The following ALG1 variants were observed in gnomAD, a reference collection of about 807,000 sequenced individuals.
ALG1 encodes the protein ALG1 chitobiosyldiphosphodolichol beta-mannosyltransferase.
ALG1 carries 58 observed loss-of-function variants against 55.1 expected under a neutral mutation model. The ratio of observed to expected loss-of-function variants is 1.05; its 90% confidence interval spans 0.85 to 1.31. The LOEUF (loss-of-function observed/expected upper bound fraction) is 1.31, where lower values mean the gene tolerates loss of function less well. ALG1 is among the 50% of genes most tolerant of loss of function. The pLI is 0.00. For missense variants in ALG1, 761 were observed against 598.6 expected (o/e 1.27, Z -2.83); for synonymous variants, 309 against 247.0 (o/e 1.25, Z -2.35).
Position 5,084,811 on chromosome 16 carries a change from G to A in ALG1, c.1325G>A (p.Arg442Gln), listed in dbSNP as rs758197753. 4 of 1,596,456 alleles carry A rather than the reference G, an allele frequency of 2.5e-6. No homozygotes were observed. The highest frequency in any genetic ancestry group is 2.3e-4 in the Middle Eastern group (1 of 4,428). ...CTAAACCAGTTCCGGAAGAACCTGC[G>A]GGAGTCGCAGCAGCTCCGATGGGAT... The part of the protein sequence containing the change: ...GKLNQFRKNL[R>Q]ESQQLRWDES... The change falls in exon 13 of 13, where the codon CGG becomes CAG. Residue 442 changes from arginine (R) to glutamine (Q), a missense_variant. By Grantham distance (43) the Arg-to-Gln change is conservative. Coordinates refer to ENST00000262374, the MANE Select transcript of ALG1 (RefSeq NM_019109.5).
chr16:5,077,451 G>A lies in ALG1; in HGVS notation c.546G>A (p.Glu182=), dbSNP rs1408864267. The A allele has an allele frequency of 1.9e-6, 3 of 1,614,158 alleles. No homozygotes were observed. Among genetic ancestry groups the A allele is most frequent in the Non-Finnish European group, 2.5e-6 (3 of 1,180,000 alleles). ...HPLVLLAKWY[E]KFFGRLSHLN... ...TGCTGATCTCTCTTTTCAGGTACGA[G>A]AAGTTCTTTGGGCGCCTGTCCCACC... The change falls in exon 5 of 13, where the codon GAG becomes GAA. Residue 182 remains glutamate (E), a synonymous_variant. Transcript: ENST00000262374.
chr16:5,075,165 A>G (rs901007889), intron 3 of ALG1, among the ~76,000 whole-genome samples: 1 of 152,022 alleles, frequency 6.6e-6, no homozygotes. Context: ...TGGCCTCCCA[A>G]AGTGTTGGGA....
intron 3 of ALG1, among the ~76,000 whole-genome samples, chr16:5,074,656 G>C (rs921187933): frequency 6.6e-6 from 1 of 152,188 alleles, no homozygotes; most frequent in Non-Finnish European, 1.5e-5. Flanking sequence ...GAATTGTGTA[G>C]TCAAAGTTGA....
At chr16:5,072,109 CG>C (rs1484010919) in intron 1 of ALG1, 52 bp downstream of exon 1, 31 of 1,550,196 alleles carry the variant, frequency 2.0e-5, no homozygotes, top group Non-Finnish European at 2.6e-5. Context: ...CGTTGATCCT[CG>C]GTTCTAACCG....
At chr16:5,074,964 A>C (rs1956882292) in intron 3 of ALG1, among the ~76,000 whole-genome samples, 3 of 152,250 alleles carry the variant, frequency 2.0e-5, no homozygotes, top group Admixed American at 2.0e-4. Flanking sequence ...GTGCAGTGGC[A>C]CAATCATAGC....
chr16:5,079,057 C>G lies in ALG1; in HGVS notation c.863-7C>G. 2 of 1,601,782 alleles carry G rather than the reference C, an allele frequency of 1.2e-6. No homozygotes were observed. Among genetic ancestry groups the G allele is most frequent in the Non-Finnish European group, 8.5e-7 (1 of 1,179,644 alleles). On this transcript the variant is annotated splice_region_variant and splice_polypyrimidine_tract_variant and intron_variant, in intron 7 of 12. Transcript: ENST00000262374. ...CAGGCCCCTGACATTCAATTCTCTT[C>G]TCATAGAGGACGAAGACTTCTCCAT...
rs1289167329 is a variant in ALG1, at chr16:5,075,401, T to G, written c.404T>G (p.Leu135Arg). 1.9e-6 allele frequency: 3 copies of G among 1,614,110 alleles called. No homozygotes were observed. The highest frequency in any genetic ancestry group is 2.5e-6 in the Non-Finnish European group (3 of 1,180,052). ...AYIFLQNPPG[L>R]PSIAVCWFVG... ...TATCTTTCCTAGAACCCCCCAGGTCTGCCTAGCATTGCTGTCTGCTGGTTC... is the reference window on the plus strand; with the variant it reads ...TATCTTTCCTAGAACCCCCCAGGTCGGCCTAGCATTGCTGTCTGCTGGTTC... The change falls in exon 4 of 13, where the codon CTG (leucine) becomes CGG (arginine). Residue 135 changes from leucine to arginine, a missense_variant. By Grantham distance (102) the Leu-to-Arg change is moderately radical. Coordinates refer to ENST00000262374, the MANE Select transcript of ALG1 (RefSeq NM_019109.5).
rs1353988508 is a variant in ALG1, at chr16:5,071,932, G to A, written c.83G>A (p.Arg28Gln). 6.3e-7 allele frequency: 1 copy of A among 1,589,186 alleles called. No homozygotes were observed. ...CTGGGAGGATGGAAGCGCTGGCGCC[G>A]GGGGCGGGCGGCCCGGCATGTAGTA... ...LLLGGWKRWR[R>Q]GRAARHVVAV... Residue 28 changes from arginine (R) to glutamine (Q), a missense_variant, in exon 1 of 13, where the codon CGG becomes CAG. Arg to Gln is a conservative substitution (Grantham distance 43). Coordinates refer to ENST00000262374, the MANE Select transcript of ALG1 (RefSeq NM_019109.5).
At position 5,071,936 on chromosome 16, in the gene ALG1, G is replaced by T. The variant is rs754060914; in HGVS notation, c.87G>T (p.Gly29=). 2 of 1,589,970 alleles carry T rather than the reference G, an allele frequency of 1.3e-6. No homozygotes were observed. Among genetic ancestry groups the T allele is most frequent in the Non-Finnish European group, 1.7e-6 (2 of 1,168,570 alleles). ...LLGGWKRWRR[G]RAARHVVAVV... The stretch of plus-strand genomic sequence containing the variant: ...GAGGATGGAAGCGCTGGCGCCGGGG[G>T]CGGGCGGCCCGGCATGTAGTAGCGG... The change falls in exon 1 of 13, where the codon GGG becomes GGT. Residue 29 remains glycine (G), a synonymous_variant. Transcript: ENST00000262374.
Position 5,085,673 on chromosome 16 carries a change from C to T in ALG1, c.*792C>T, listed in dbSNP as rs867696905. Reference sequence around the variant, plus strand: ...AGCATTGCCATCTCCAAGTGCTCTTCGTAGGGAAACAGTTTCTGCTCATGA... The same window carrying T: ...AGCATTGCCATCTCCAAGTGCTCTTTGTAGGGAAACAGTTTCTGCTCATGA... On this transcript the variant is annotated 3_prime_UTR_variant, in exon 13 of 13. Transcript: ENST00000262374. The T allele has an allele frequency of 5.0e-6, 8 of 1,611,672 alleles. No individual in the cohort carries two copies. Among genetic ancestry groups the T allele is most frequent in the East Asian group, 4.5e-5 (2 of 44,886 alleles).
rs755164718 is a variant in ALG1, at chr16:5,083,679, C to T, written c.1188-3C>T. 4.4e-6 allele frequency: 7 copies of T among 1,600,912 alleles called. No homozygotes were observed. The South Asian group carries it at 5.5e-5, about 13-fold the overall frequency. On this transcript the variant is annotated splice_polypyrimidine_tract_variant and splice_region_variant and intron_variant, in intron 11 of 12. Coordinates refer to ENST00000262374, the MANE Select transcript of ALG1 (RefSeq NM_019109.5). ...TCTCAGGCTCCCTTGGTTCTCTCTG[C>T]AGTTTACATGAGCTGGTGAAACATG...
At chr16:5,073,927 C>G (rs967778589) in intron 3 of ALG1, among the ~76,000 whole-genome samples, 2 of 152,180 alleles carry the variant, frequency 1.3e-5, no homozygotes, top group Non-Finnish European at 2.9e-5. Flanking sequence ...GTTGGCCAGG[C>G]TGTTCTCGAA....
intron 3 of ALG1, among the ~76,000 whole-genome samples, chr16:5,075,095 G>T (rs1371306613): frequency 6.6e-6 from 1 of 152,068 alleles, no homozygotes; most frequent in East Asian, 1.9e-4. Context: ...GTAGAGATGA[G>T]GTCTCACTGT....
At position 5,078,816 on chromosome 16, in the gene ALG1, G is replaced by A. The variant is rs17849848; in HGVS notation, c.800G>A (p.Ser267Asn). ...RSAFTERDAG[S>N]GLVTRLRERP... Reference sequence around the variant, plus strand: ...GCCTTCACGGAGCGGGATGCTGGGAGCGGGCTGGTGACGCGTCTCCGTGAG... The same window carrying A: ...GCCTTCACGGAGCGGGATGCTGGGAACGGGCTGGTGACGCGTCTCCGTGAG... The change falls in exon 7 of 13, where the codon AGC becomes AAC. Residue 267 changes from serine to asparagine, a missense_variant. Ser to Asn is a conservative substitution (Grantham distance 46). Coordinates refer to ENST00000262374, the MANE Select transcript of ALG1 (RefSeq NM_019109.5). The A allele has an allele frequency of 0.081, 130,115 of 1,612,546 alleles. 6,400 individuals carry two copies. The highest frequency in any genetic ancestry group is 0.21 in the Admixed American group (12,615 of 59,996).
In ALG1 at chr16:5,082,690, A is replaced by G; in HGVS notation, c.1187+17A>G. On this transcript the variant is annotated intron_variant, in intron 11 of 12. Coordinates refer to ENST00000262374, the MANE Select transcript of ALG1 (RefSeq NM_019109.5). ...CTTCAAGTGGTAGGAGCAGAACCCA[A>G]ATCCTTCTGGGGATAGCTTTGCAGA... 1.2e-6 allele frequency: 2 copies of G among 1,610,522 alleles called. No homozygotes were observed. The highest frequency in any genetic ancestry group is 1.7e-6 in the Non-Finnish European group (2 of 1,179,744).
chr16:5,082,699 G>A (rs752409990), intron 11 of ALG1, 26 bp downstream of exon 11: 2 of 1,609,650 alleles, frequency 1.2e-6, no homozygotes, highest in Non-Finnish European at 1.7e-6. Context: ...AAATCCTTCT[G>A]GGGATAGCTT....
rs755451259 is a variant in ALG1 at position 5,077,505 on chromosome 16, A to T, written c.600A>T (p.Arg200=). 6.2e-6 allele frequency: 10 copies of T among 1,614,154 alleles called. 2 individuals are homozygous for T. The South Asian group carries it at 1.1e-4, about 18-fold the overall frequency. The change falls in exon 5 of 13, where the codon CGA becomes CGT. Residue 200 remains arginine, a synonymous_variant. Coordinates refer to ENST00000262374, the MANE Select transcript of ALG1 (RefSeq NM_019109.5). ...HLNLCVTNAM[R]EDLADNWHIR... is the part of the protein sequence containing the mutation. ...ACCTGTGTGTTACCAATGCTATGCG[A>T]GAAGACCTGGCGGATAACTGGCACA...
intron 9 of ALG1, 78 bp from the exon 10 acceptor site, chr16:5,080,868 G>A (rs576846697): frequency 5.9e-5 from 92 of 1,550,744 alleles, no homozygotes; most frequent in Middle Eastern, 2.3e-4. Flanking sequence ...TCCCTCCTAG[G>A]GGGGAGTGTC....
rs774688938 is a variant in ALG1, at chr16:5,085,703, G to A, written c.*822G>A. Reference sequence around the variant, plus strand: ...GGAAACAGTTTCTGCTCATGACGAGGTTCCACTTCCCATCTGATCCCGGCC... The same window carrying A: ...GGAAACAGTTTCTGCTCATGACGAGATTCCACTTCCCATCTGATCCCGGCC... On this transcript the variant is annotated 3_prime_UTR_variant, in exon 13 of 13. Transcript: ENST00000262374. 5 of 1,611,860 alleles carry A rather than the reference G, an allele frequency of 3.1e-6. No homozygotes were observed. In the South Asian group the frequency reaches 4.4e-5, roughly 14 times the overall value.
Sources: gnomAD v4.1 joint callset for allele counts (sites outside exome capture counted in the v4.1 genomes callset) on GRCh38, gnomAD v4.1.1 for gene constraint, MANE v1.5 for transcripts, NCBI Gene and HGNC (gene_info 2026-07-23, HGNC 2026-07-21) for gene names.